Variants in MED25 observed in about 807,000 individuals in gnomAD.
The protein encoded by MED25 is mediator complex subunit 25.
A neutral mutation model predicts 89.4 loss-of-function variants in MED25; 62 were observed. The ratio of observed to expected loss-of-function variants is 0.69; its 90% confidence interval spans 0.57 to 0.86. The LOEUF is 0.86. MED25 is among the 40% of genes least tolerant of loss of function. The pLI is 0.00. For synonymous variants in MED25, 449 were observed against 427.9 expected, an observed-to-expected ratio of 1.05 and a Z score of -0.61; for missense variants, 905 against 1,005.2, an observed-to-expected ratio of 0.90 and a Z score of 1.35.
At chr19:49,836,993 G>T (rs766178181), downstream of MED25, 2 of 1,437,140 alleles carry the variant, frequency 1.4e-6, no homozygotes, top group Non-Finnish European at 9.7e-7. The surrounding 1 kb of genome is among the most constrained non-coding windows in gnomAD (Gnocchi z 5.1). Flanking sequence ...CCCGGCTCCC[G>T]TCACTGACAT....
At chr19:49,819,673 G>C (rs1338084088) in intron 3 of MED25, 2 of 352,586 alleles carry the variant, frequency 5.7e-6, no homozygotes, top group African/African-American at 4.3e-5. Flanking sequence ...CTGAGCTCCA[G>C]CAGCCACCTT....
intron 3 of MED25, among the ~76,000 whole-genome samples, chr19:49,826,233 A>C (rs994390287): frequency 2.0e-5 from 3 of 152,032 alleles, no homozygotes; most frequent in Non-Finnish European, 2.9e-5. Context: ...CCCAGCTACG[A>C]GGGAGGCTGA....
Position 49,820,370 on chromosome 19 carries a change from C to G in MED25, c.305+1074C>G, listed in dbSNP as rs556915051. Reference sequence around the variant, plus strand: ...TCAAATTGTTGTAACAGGTTTATAACTCAGGATTGCACATAACCGTTGCTA... The same window carrying G: ...TCAAATTGTTGTAACAGGTTTATAAGTCAGGATTGCACATAACCGTTGCTA... On this transcript the variant is annotated intron_variant, in intron 3 of 17. Transcript: ENST00000312865. Among the ~76,000 whole-genome samples the G allele has an allele frequency of 9.2e-5, 14 of 152,372 alleles. No individual in the cohort carries two copies. The South Asian group carries it at 2.9e-3, about 32-fold the overall frequency.
In MED25 at chr19:49,835,325, T is replaced by C; in HGVS notation, c.1674+148T>C. Reference sequence around the variant, plus strand: ...AAGTCCCACTCAGATTTTCTTGCAGTCTCTCTCCTTTTTCAGCATCCACAT... The same window carrying C: ...AAGTCCCACTCAGATTTTCTTGCAGCCTCTCTCCTTTTTCAGCATCCACAT... On this transcript the variant is annotated intron_variant, in intron 14 of 17. Coordinates refer to ENST00000312865, the MANE Select transcript of MED25 (RefSeq NM_030973.4). This position sits in a 1 kb window ranked among gnomAD's most constrained non-coding sequence, Gnocchi z 6.2. 1 of 1,033,904 alleles carries C rather than the reference T, an allele frequency of 9.7e-7. No homozygotes were observed. Among genetic ancestry groups the C allele is most frequent in the East Asian group, 2.6e-5 (1 of 39,168 alleles). 64.0% of individuals were successfully genotyped at this position (1,033,904 alleles called of 1,614,324 possible). A position where few individuals can be genotyped will look rare whatever the true frequency, so the allele number is the denominator to read the frequency against.
At position 49,832,169 on chromosome 19, in the gene MED25, T is replaced by C. The variant is rs776395774; in HGVS notation, c.1374+12T>C. 6.2e-7 allele frequency: 1 copy of C among 1,611,192 alleles called. No homozygotes were observed. Among genetic ancestry groups the C allele is most frequent in the East Asian group, 2.2e-5 (1 of 44,864 alleles). On this transcript the variant is annotated intron_variant, in intron 12 of 17. Coordinates refer to ENST00000312865, the MANE Select transcript of MED25 (RefSeq NM_030973.4). Reference sequence around the variant, plus strand: ...CCCAGCAGCTGCTGGTGAGTGGCGGTGGAGGGCCAGCCCTGCTGCCGGGCA... The same window carrying C: ...CCCAGCAGCTGCTGGTGAGTGGCGGCGGAGGGCCAGCCCTGCTGCCGGGCA...
chr19:49,829,210 T>C lies in MED25; in HGVS notation c.525+120T>C. On this transcript the variant is annotated intron_variant, in intron 5 of 17. Transcript: ENST00000312865. The surrounding 1 kb of genome is among the most constrained non-coding windows in gnomAD (Gnocchi z 4.6). ...GGGAGGAGGCACTGGGGGCCTGGAC[T>C]CTTGGGTCTAAGCGGGGAGGCACTG... 1.1e-6 allele frequency: 1 copy of C among 879,590 alleles called. No individual in the cohort carries two copies. Among genetic ancestry groups the C allele is most frequent in the Non-Finnish European group, 1.8e-6 (1 of 547,602 alleles). 54.5% of individuals were successfully genotyped at this position (879,590 alleles called of 1,614,324 possible).
At chr19:49,832,557 CT>C in intron 13 of MED25, 142 bp downstream of exon 13, 1 of 682,148 alleles carries the variant, frequency 1.5e-6, no homozygotes, top group South Asian at 1.5e-5. Flanking sequence ...GGTTCCTCGC[CT>C]TTCTTCTAGA....
At chr19:49,819,317 G>A in intron 3 of MED25, 21 bp downstream of exon 3, 2 of 1,309,380 alleles carry the variant, frequency 1.5e-6, no homozygotes, top group Non-Finnish European at 2.0e-6. Context: ...CCCCACTTGG[G>A]GTGGGTTGCT....
rs752516572 is a variant in MED25 at position 49,836,394 on chromosome 19, G to A, written c.2134G>A (p.Ala712Thr). ...CTGGCCCGCACAACTTCCCCCTCGGGCTCCACTGCCAGGTAAGGGGACCCG... is the reference window on the plus strand; with the variant it reads ...CTGGCCCGCACAACTTCCCCCTCGGACTCCACTGCCAGGTAAGGGGACCCG... ...QSWPAQLPPR[A>T]PLPGQMLLSG... Residue 712 changes from alanine to threonine, a missense_variant, in exon 17 of 18, where the codon GCT becomes ACT. Transcript: ENST00000312865. This position sits in a 1 kb window ranked among gnomAD's most constrained non-coding sequence, Gnocchi z 5.1. 3.8e-6 allele frequency: 6 copies of A among 1,596,258 alleles called. No individual in the cohort carries two copies. The African/African-American group carries it at 4.0e-5, about 11-fold the overall frequency.
At position 49,827,198 on chromosome 19, in the gene MED25, C is replaced by T. The variant is rs544257808; in HGVS notation, c.306-1251C>T. 4.6e-5 allele frequency among the ~76,000 whole-genome samples: 7 copies of T among 152,280 alleles called. No homozygotes were observed. In the South Asian group the frequency reaches 8.3e-4, roughly 18 times the overall value. ...GGTCAGCCTCTCACGACCACGTGAC[C>T]GGAATAATGGTGGCAACCACAGCTG... On this transcript the variant is annotated intron_variant, in intron 3 of 17. Transcript: ENST00000312865.
Position 49,829,029 on chromosome 19 carries a change from C to T in MED25, c.464C>T (p.Ala155Val), listed in dbSNP as rs2074034599. The part of the protein sequence containing the change: ...ICNSPPYLLP[A>V]VESTTYSGCT... ...AACTCACCCCCATACTTGTTGCCTG[C>T]TGTTGAGAGCACCACGTACTCTGGA... The change falls in exon 5 of 18, where the codon GCT (alanine) becomes GTT (valine). Residue 155 changes from alanine (A) to valine (V), a missense_variant. Physicochemically the swap from Ala to Val is moderately conservative, Grantham distance 64. Around this residue, in one of 3 missense-constraint regions of MED25, gnomAD observed 501 missense variants for 526.9 expected, o/e 0.95. Transcript: ENST00000312865. This position sits in a 1 kb window ranked among gnomAD's most constrained non-coding sequence, Gnocchi z 4.6. 1 of 1,614,012 alleles carries T rather than the reference C, an allele frequency of 6.2e-7. No individual in the cohort carries two copies. The highest frequency in any genetic ancestry group is 8.5e-7 in the Non-Finnish European group (1 of 1,180,026).
At position 49,836,373 on chromosome 19, in the gene MED25, C is replaced by T. The variant is rs367802464; in HGVS notation, c.2113C>T (p.Pro705Ser). Residue 705 changes from proline to serine, a missense_variant, in exon 17 of 18, where the codon CCC becomes TCC. By Grantham distance (74) the Pro-to-Ser change is moderately conservative. This residue lies in a region of MED25 where 271 missense variants were observed against 258.1 expected (regional missense o/e 1.05). Coordinates refer to ENST00000312865, the MANE Select transcript of MED25 (RefSeq NM_030973.4). The surrounding 1 kb of genome is among the most constrained non-coding windows in gnomAD (Gnocchi z 5.1). Reference protein sequence around the residue: ...LLHPPPAQSWPAQLPPRAPLP... With the variant: ...LLHPPPAQSWSAQLPPRAPLP... Reference sequence around the variant, plus strand: ...GCATCCACCACCTGCCCAGTCCTGGCCCGCACAACTTCCCCCTCGGGCTCC... The same window carrying T: ...GCATCCACCACCTGCCCAGTCCTGGTCCGCACAACTTCCCCCTCGGGCTCC... 1.2e-6 allele frequency: 2 copies of T among 1,605,802 alleles called. No homozygotes were observed. Among genetic ancestry groups the T allele is most frequent in the Non-Finnish European group, 1.7e-6 (2 of 1,176,466 alleles).
chr19:49,835,593 C>T lies in MED25; in HGVS notation c.1734C>T (p.Pro578=), dbSNP rs2074090173. ...CCATTCTGGAGGACCAAGCCAGGCC[C>T]TCACAGAATCTGGTGAGGACAGGGC... ...LGPILEDQAR[P]SQNLLQLRPP... Residue 578 remains proline (P), a synonymous_variant, in exon 15 of 18, where the codon CCC becomes CCT. Coordinates refer to ENST00000312865, the MANE Select transcript of MED25 (RefSeq NM_030973.4). The surrounding 1 kb of genome is among the most constrained non-coding windows in gnomAD (Gnocchi z 6.2). 1.9e-6 allele frequency: 3 copies of T among 1,562,520 alleles called. No individual in the cohort carries two copies. Among genetic ancestry groups the T allele is most frequent in the Non-Finnish European group, 1.7e-6 (2 of 1,153,766 alleles).
intron 3 of MED25, among the ~76,000 whole-genome samples, chr19:49,823,195 C>T (rs1011927494): frequency 5.9e-5 from 9 of 152,294 alleles, no homozygotes; most frequent in Admixed American, 5.2e-4. Context: ...CTCAAGCGAT[C>T]CTCCTGCCTT....
Position 49,818,390 on chromosome 19 carries a change from G to A in MED25, c.49G>A (p.Asp17Asn). The change falls in exon 1 of 18, where the codon GAC becomes AAC. Residue 17 changes from aspartate to asparagine, a missense_variant. Coordinates refer to ENST00000312865, the MANE Select transcript of MED25 (RefSeq NM_030973.4). ...GGCCCGCGCCGGGAGCGTGGTGGCC[G>A]ACGTGGTGTTTGTGATTGAGGGTAC... ...GPARAGSVVA[D>N]VVFVIEGTAN... The A allele has an allele frequency of 6.2e-7, 1 of 1,613,340 alleles. No individual in the cohort carries two copies. Among genetic ancestry groups the A allele is most frequent in the South Asian group, 1.1e-5 (1 of 91,036 alleles).
chr19:49,837,606 G>A (rs957382930), downstream of MED25, among the ~76,000 whole-genome samples: 2 of 152,160 alleles, frequency 1.3e-5, no homozygotes, highest in Non-Finnish European at 2.9e-5. Context: ...CAGGAAAGGT[G>A]AGGCTGGGTG....
chr19:49,818,505 GC>G, intron 1 of MED25, 30 bp downstream of exon 1: 1 of 1,614,176 alleles, frequency 6.2e-7, no homozygotes, highest in Non-Finnish European at 8.5e-7. Context: ...CTCTAACCCC[GC>G]CCTCCCACTT....
rs1397952136 is a variant in MED25 at position 49,836,309 on chromosome 19, C to G, written c.2049C>G (p.His683Gln). 6.2e-7 allele frequency: 1 copy of G among 1,611,456 alleles called. No homozygotes were observed. Among genetic ancestry groups the G allele is most frequent in the South Asian group, 1.1e-5 (1 of 90,870 alleles). Residue 683 changes from histidine (H) to glutamine (Q), a missense_variant, in exon 17 of 18, where the codon CAC becomes CAG. His to Gln is a conservative substitution (Grantham distance 24). Transcript: ENST00000312865. This position sits in a 1 kb window ranked among gnomAD's most constrained non-coding sequence, Gnocchi z 5.1. Reference sequence around the variant, plus strand: ...CTCCTGCGCTGCTGCCTCCGCCGCACCAGGGCCTGGGGCAGCCCCAGTTGG... The same window carrying G: ...CTCCTGCGCTGCTGCCTCCGCCGCAGCAGGGCCTGGGGCAGCCCCAGTTGG... ...PGAPALLPPP[H>Q]QGLGQPQLGP...
rs755392763 is a variant in MED25 at position 49,835,817 on chromosome 19, C to T, written c.1837C>T (p.Pro613Ser). 1.9e-6 allele frequency: 3 copies of T among 1,607,246 alleles called. No homozygotes were observed. The highest frequency in any genetic ancestry group is 2.2e-5 in the East Asian group (1 of 44,788). Residue 613 changes from proline (P) to serine (S), a missense_variant, in exon 16 of 18, where the codon CCC becomes TCC. Physicochemically the swap from Pro to Ser is moderately conservative, Grantham distance 74. Transcript: ENST00000312865. This position sits in a 1 kb window ranked among gnomAD's most constrained non-coding sequence, Gnocchi z 6.2. ...GQPQPQGTAQ[P>S]PPGAPQGPPG... ...GCCCCAGCCCCAAGGTACTGCCCAGCCCCCGCCAGGTGCCCCTCAAGGCCC... is the reference window on the plus strand; with the variant it reads ...GCCCCAGCCCCAAGGTACTGCCCAGTCCCCGCCAGGTGCCCCTCAAGGCCC...
Sources: allele counts gnomAD v4.1 joint callset (sites outside exome capture counted in the v4.1 genomes callset), GRCh38; gene constraint gnomAD v4.1.1; regional missense constraint gnomAD v4.1.1; non-coding constraint Gnocchi (gnomAD v3.1); transcripts MANE v1.5; gene names NCBI Gene and HGNC (gene_info 2026-07-23, HGNC 2026-07-21).